PUDP: variants seen among roughly 807,000 people sequenced by gnomAD.
PUDP encodes pseudouridine-5'-phosphatase.
Under a neutral mutation model 9.4 loss-of-function variants are expected in PUDP, and 8 were observed. The ratio of observed to expected loss-of-function variants is 0.85; its 90% CI spans 0.50 to 1.53. The LOEUF (loss-of-function observed/expected upper bound fraction) is 1.53. PUDP is among the 40% of genes most tolerant of loss of function. PUDP has a pLI of 0.00. For missense variants in PUDP, 188 were observed against 189.7 expected (o/e 0.99, Z 0.05); for synonymous variants, 99 against 80.7 (o/e 1.23, Z -1.22).
chrX:6,872,432 C>T (rs1927189426), intron 3 of PUDP, among the ~76,000 whole-genome samples: 1 of 111,355 alleles, frequency 9.0e-6, no homozygotes, highest in South Asian at 3.8e-4. Flanking sequence ...GGCACAGTGG[C>T]TCACACTTGT....
At chrX:6,943,801 T>C (rs963688606) in intron 3 of PUDP, among the ~76,000 whole-genome samples, 1 of 111,689 alleles carries the variant, frequency 9.0e-6, no homozygotes, top group African/African-American at 3.3e-5. Flanking sequence ...TCACAAAGCA[T>C]TGAACACACT....
intron 1 of PUDP, among the ~76,000 whole-genome samples, chrX:7,009,565 C>A (rs1440576897): frequency 9.0e-6 from 1 of 111,354 alleles, no homozygotes; most frequent in Non-Finnish European, 1.9e-5. Flanking sequence ...TAGCAAGGAA[C>A]TTTATGATGA....
chrX:6,838,317 C>T (rs766169389), intron 3 of PUDP, among the ~76,000 whole-genome samples: 1 of 112,536 alleles, frequency 8.9e-6, no homozygotes, highest in African/African-American at 3.2e-5. Flanking sequence ...TGAATGAATG[C>T]CCAAAGTAAG....
intron 3 of PUDP, among the ~76,000 whole-genome samples, chrX:6,864,223 C>T (rs999602637): frequency 4.5e-5 from 5 of 111,923 alleles, no homozygotes; most frequent in Non-Finnish European, 9.4e-5. Context: ...CTCTCCTACT[C>T]GTAATGTAAT....
chrX:6,890,783 T>C (rs1204164713), intron 3 of PUDP, among the ~76,000 whole-genome samples: 1 of 108,132 alleles, frequency 9.2e-6, no homozygotes, highest in East Asian at 2.9e-4. Context: ...ATCAACAATA[T>C]ACATGCCACA....
intron 3 of PUDP, among the ~76,000 whole-genome samples, chrX:6,803,402 T>C (rs1925998060): frequency 9.0e-6 from 1 of 111,372 alleles, no homozygotes; most frequent in African/African-American, 3.3e-5. Context: ...AAAAAACAAG[T>C]GAAAAATAGG....
rs1930031029 is a variant in PUDP at position 7,049,330 on chromosome X, C to T, written c.*966G>A. 8.9e-6 allele frequency: 1 copy of T among 112,453 alleles called. No homozygotes were observed. The highest frequency in any genetic ancestry group is 2.8e-4 in the East Asian group (1 of 3,565). The allele number at this position is 112,453 out of a possible 1,213,427, so 9.3% of individuals were successfully genotyped here. A position where few individuals can be genotyped will look rare whatever the true frequency, so the allele number is the denominator to read the frequency against. The stretch of plus-strand genomic sequence containing the variant: ...ATAAAAGCGATTAATCACAGAAGTT[C>T]AATGTCTGATAAATTATTCCAAAAG... On this transcript the variant is annotated 3_prime_UTR_variant, in exon 4 of 4. Coordinates refer to ENST00000381077, the MANE Select transcript of PUDP (RefSeq NM_012080.5).
intron 3 of PUDP, among the ~76,000 whole-genome samples, chrX:6,766,548 A>C (rs1486982384): frequency 8.9e-6 from 1 of 112,033 alleles, no homozygotes; most frequent in Non-Finnish European, 1.9e-5. Context: ...ATTATATAGC[A>C]TCTAGAGAAA....
chrX:6,724,382 G>T (rs1391146907), upstream of PUDP, among the ~76,000 whole-genome samples: 1 of 109,612 alleles, frequency 9.1e-6, no homozygotes, highest in Non-Finnish European at 1.9e-5. Context: ...ATGAATTGCT[G>T]CTGTTTGCAA....
intron 3 of PUDP, among the ~76,000 whole-genome samples, chrX:6,923,034 T>C (rs753320052): frequency 9.8e-5 from 11 of 111,891 alleles, no homozygotes; most frequent in Non-Finnish European, 3.8e-5. Context: ...GTTCTCAAAG[T>C]CCTCAGTGAC....
chrX:6,721,921 A>G (rs912128928), upstream of PUDP, among the ~76,000 whole-genome samples: 4 of 111,690 alleles, frequency 3.6e-5, no homozygotes, highest in Admixed American at 3.8e-4. Flanking sequence ...ATATCAAGAC[A>G]TTAGAAAGAT....
chrX:6,763,285 A>G (rs1286448931), intron 3 of PUDP, among the ~76,000 whole-genome samples: 1 of 111,285 alleles, frequency 9.0e-6, no homozygotes, highest in East Asian at 2.8e-4. Context: ...GCTACTTGGG[A>G]GGCTGAGGTA....
intron 3 of PUDP, among the ~76,000 whole-genome samples, chrX:6,818,901 A>C (rs1455784609): frequency 8.9e-6 from 1 of 111,881 alleles, no homozygotes. Context: ...CCATGATTTA[A>C]CAAATTTTAA....
At chrX:6,815,158 T>C in intron 3 of PUDP, among the ~76,000 whole-genome samples, 1 of 97,110 alleles carries the variant, frequency 1.0e-5, no homozygotes, top group South Asian at 4.9e-4. Context: ...ACCTAAATGA[T>C]AACTTATTGA....
intron 3 of PUDP, among the ~76,000 whole-genome samples, chrX:6,867,554 T>C (rs1927107346): frequency 9.1e-6 from 1 of 109,520 alleles, no homozygotes; most frequent in South Asian, 3.9e-4. Flanking sequence ...TGATGGTTGG[T>C]GATAATGGTG....
intron 3 of PUDP, among the ~76,000 whole-genome samples, chrX:6,768,346 C>A (rs1432148158): frequency 8.9e-6 from 1 of 111,914 alleles, no homozygotes; most frequent in Non-Finnish European, 1.9e-5. Flanking sequence ...GGTGGACAAA[C>A]CACAGTTCTG....
chrX:6,932,669 T>G (rs1027497973), intron 3 of PUDP, among the ~76,000 whole-genome samples: 15 of 111,799 alleles, frequency 1.3e-4, no homozygotes, highest in East Asian at 5.8e-4. Flanking sequence ...GGGCGAGGCA[T>G]TGCCTCACTT....
chrX:6,748,335 T>C (rs1352332724), intron 3 of PUDP, among the ~76,000 whole-genome samples: 2 of 112,041 alleles, frequency 1.8e-5, no homozygotes, highest in African/African-American at 3.2e-5. Flanking sequence ...TTAATACAAA[T>C]TCTTATTGCA....
chrX:6,858,109 A>G (rs1172826752), intron 3 of PUDP, among the ~76,000 whole-genome samples: 1 of 111,000 alleles, frequency 9.0e-6, no homozygotes, highest in Non-Finnish European at 1.9e-5. Context: ...ATGAAAGTCA[A>G]GAACATGGCT....
Sources: allele counts gnomAD v4.1 joint callset (sites outside exome capture counted in the v4.1 genomes callset), GRCh38; gene constraint gnomAD v4.1.1; transcripts MANE v1.5; gene names NCBI Gene and HGNC (gene_info 2026-07-23, HGNC 2026-07-21).